SLC35F1: variants seen among roughly 807,000 people sequenced by gnomAD.
SLC35F1 encodes solute carrier family 35 member F1, also known as chromosome 6 open reading frame 169.
SLC35F1 carries 14 observed loss-of-function variants against 48.7 expected under a neutral mutation model. That is an observed-to-expected ratio of 0.29 (90% CI 0.19 to 0.45). SLC35F1 has a LOEUF of 0.45. Among genes scored for constraint, SLC35F1 ranks in the 20% least tolerant of loss-of-function variants. The probability of loss-of-function intolerance (pLI) is 1.00; values close to 1 mark genes in which losing one functional copy is unlikely to be tolerated. For missense variants in SLC35F1, 404 were observed against 500.0 expected (o/e 0.81, Z 1.83); for synonymous variants, 190 against 202.2 (o/e 0.94, Z 0.51).
At chr6:117,952,820 TACCAGA>T (rs376829004) in intron 1 of SLC35F1, among the ~76,000 whole-genome samples, 3 of 152,358 alleles carry the variant, frequency 2.0e-5, no homozygotes, top group African/African-American at 7.2e-5. Flanking sequence ...ATTTTTAGCC[TACCAGA>T]ACTAAAGAAG....
intron 1 of SLC35F1, among the ~76,000 whole-genome samples, chr6:118,131,630 A>G (rs562980642): frequency 1.8e-3 from 271 of 152,232 alleles, no homozygotes; most frequent in African/African-American, 6.3e-3. Context: ...ACAGGAGGTT[A>G]TAAGTTTTGC....
chr6:117,938,313 A>C (rs1335506864), intron 1 of SLC35F1, among the ~76,000 whole-genome samples: 1 of 152,244 alleles, frequency 6.6e-6, no homozygotes, highest in Non-Finnish European at 1.5e-5. Context: ...GGACCAAAAA[A>C]AAGTCACTCT....
At chr6:118,104,312 A>G (rs1773299586) in intron 1 of SLC35F1, among the ~76,000 whole-genome samples, 1 of 152,204 alleles carries the variant, frequency 6.6e-6, no homozygotes, top group South Asian at 2.1e-4. Context: ...AACAGGGCCA[A>G]ATCTTGGCTT....
At chr6:118,303,194 A>T (rs1004673100) in intron 7 of SLC35F1, among the ~76,000 whole-genome samples, 56 of 152,174 alleles carry the variant, frequency 3.7e-4, no homozygotes, top group Non-Finnish European at 8.8e-5. Flanking sequence ...TCCTTCCCAC[A>T]GCCATGATAG....
chr6:118,071,207 A>G (rs1476524785), intron 1 of SLC35F1, among the ~76,000 whole-genome samples: 1 of 147,412 alleles, frequency 6.8e-6, no homozygotes, highest in South Asian at 2.1e-4. Context: ...CATAGTATAT[A>G]TATATACTAT....
Position 117,962,940 on chromosome 6 carries a change from T to C in SLC35F1, c.173+55041T>C, listed in dbSNP as rs1044609355. On this transcript the variant is annotated intron_variant, in intron 1 of 7. Coordinates refer to ENST00000360388, the MANE Select transcript of SLC35F1 (RefSeq NM_001029858.4). ...GAGACATTGGGGCTCAGAGCCTCAT[T>C]CCATCACTTCCTACCTCTGTGATCT... 2.0e-5 allele frequency among the ~76,000 whole-genome samples: 3 copies of C among 152,154 alleles called. No individual in the cohort carries two copies. In the South Asian group the frequency reaches 6.2e-4, roughly 32 times the overall value.
chr6:118,202,163 GT>G (rs1477762626), intron 2 of SLC35F1, among the ~76,000 whole-genome samples: 1 of 152,122 alleles, frequency 6.6e-6, no homozygotes, highest in East Asian at 1.9e-4. Flanking sequence ...GTAACTCTAT[GT>G]GTAAACTTTT....
At chr6:118,256,909 C>A (rs1304424080) in intron 3 of SLC35F1, among the ~76,000 whole-genome samples, 1 of 152,132 alleles carries the variant, frequency 6.6e-6, no homozygotes, top group Non-Finnish European at 1.5e-5. Context: ...TCAGTTATCC[C>A]ATTCAAAGAT....
At chr6:118,194,561 G>A (rs887980389) in intron 2 of SLC35F1, among the ~76,000 whole-genome samples, 1 of 152,042 alleles carries the variant, frequency 6.6e-6, no homozygotes, top group African/African-American at 2.4e-5. Flanking sequence ...TCCTAAGCCC[G>A]TGTTCTATCC....
At chr6:117,925,613 A>G (rs1304467266) in intron 1 of SLC35F1, among the ~76,000 whole-genome samples, 4 of 151,930 alleles carry the variant, frequency 2.6e-5, no homozygotes, top group Non-Finnish European at 5.9e-5. Flanking sequence ...ACTAATATAC[A>G]CCTCTTTTAC....
intron 6 of SLC35F1, among the ~76,000 whole-genome samples, chr6:118,277,974 G>A (rs1178275307): frequency 6.6e-6 from 1 of 152,192 alleles, no homozygotes; most frequent in African/African-American, 2.4e-5. Context: ...AGGAAACAAT[G>A]TAATGGGCAT....
chr6:118,293,680 G>A (rs1275312429), intron 7 of SLC35F1, among the ~76,000 whole-genome samples: 1 of 152,176 alleles, frequency 6.6e-6, no homozygotes, highest in Admixed American at 6.5e-5. Flanking sequence ...GGGATGTATG[G>A]ACATGTGGTT....
intron 1 of SLC35F1, among the ~76,000 whole-genome samples, chr6:117,962,557 C>G (rs558690304): frequency 2.0e-5 from 3 of 152,048 alleles, no homozygotes; most frequent in African/African-American, 7.2e-5. Flanking sequence ...TCTGCTCACC[C>G]AGAGAGCAGA....
intron 2 of SLC35F1, among the ~76,000 whole-genome samples, chr6:118,230,282 G>T (rs570916441): frequency 3.3e-5 from 5 of 151,850 alleles, no homozygotes; most frequent in African/African-American, 1.2e-4. Flanking sequence ...GGAGGTTGCA[G>T]TGAGCCGAGA....
At chr6:117,991,641 A>G (rs1453282532) in intron 1 of SLC35F1, among the ~76,000 whole-genome samples, 1 of 152,156 alleles carries the variant, frequency 6.6e-6, no homozygotes, top group Non-Finnish European at 1.5e-5. Flanking sequence ...CCTGCTGCAT[A>G]CGTCTTTTAA....
At chr6:117,995,296 A>T (rs1441731798) in intron 1 of SLC35F1, among the ~76,000 whole-genome samples, 1 of 152,226 alleles carries the variant, frequency 6.6e-6, no homozygotes, top group East Asian at 1.9e-4. Flanking sequence ...GGACAAATAT[A>T]TCCAAATGTT....
At chr6:118,116,198 T>A (rs531805233) in intron 1 of SLC35F1, among the ~76,000 whole-genome samples, 1 of 152,064 alleles carries the variant, frequency 6.6e-6, no homozygotes, top group Non-Finnish European at 1.5e-5. Context: ...TGCCACTTTA[T>A]AGAGTGGGAG....
At chr6:118,156,512 C>T (rs1191554445) in intron 2 of SLC35F1, among the ~76,000 whole-genome samples, 4 of 151,828 alleles carry the variant, frequency 2.6e-5, no homozygotes. Flanking sequence ...CATCACACAC[C>T]AGGGCCTGTT....
intron 1 of SLC35F1, among the ~76,000 whole-genome samples, chr6:117,923,513 A>G (rs1315446405): frequency 1.4e-5 from 2 of 147,426 alleles, no homozygotes; most frequent in Non-Finnish European, 3.0e-5. Flanking sequence ...ATATACACAT[A>G]CATGTGTATA....
Sources: gnomAD v4.1 joint callset for allele counts (sites outside exome capture counted in the v4.1 genomes callset) on GRCh38, gnomAD v4.1.1 for gene constraint, MANE v1.5 for transcripts, NCBI Gene and HGNC (gene_info 2026-07-23, HGNC 2026-07-21) for gene names.